Variants in CCNB2 observed in about 807,000 individuals in gnomAD.
The protein encoded by CCNB2 is G2/mitotic-specific cyclin-B2.
CCNB2 carries 39 observed loss-of-function variants against 51.1 expected under a neutral mutation model. That is an observed-to-expected ratio of 0.76 (90% CI 0.59 to 1.00). CCNB2 has a LOEUF of 1.00. CCNB2 is among the 50% of genes least tolerant of loss of function. The pLI, the probability that CCNB2 is intolerant of heterozygous loss-of-function variation, is 0.00. For missense variants in CCNB2, 472 were observed against 470.3 expected (o/e 1.00, Z -0.03); for synonymous variants, 174 against 165.5 (o/e 1.05, Z -0.40).
At position 59,124,969 on chromosome 15, in the gene CCNB2, C is replaced by G; in HGVS notation, c.*92C>G. On this transcript the variant is annotated 3_prime_UTR_variant, in exon 9 of 9. Coordinates refer to ENST00000288207, the MANE Select transcript of CCNB2 (RefSeq NM_004701.4). ...TTTTGTACATAGTCCTCTGGTCTAT[C>G]TCATGAAACCTCTTCTCAGACCAGT... 3.1e-6 allele frequency: 2 copies of G among 654,258 alleles called. No homozygotes were observed. The highest frequency in any genetic ancestry group is 5.0e-6 in the Non-Finnish European group (2 of 402,178). The allele number at this position is 654,258 out of a possible 1,614,324, so 40.5% of individuals were successfully genotyped here.
intron 6 of CCNB2, 32 bp from the exon 7 acceptor site, chr15:59,117,196 G>A: frequency 1.2e-6 from 2 of 1,601,488 alleles, no homozygotes; most frequent in Non-Finnish European, 1.7e-6. Context: ...TTACACTTGT[G>A]ATTCTTACTA....
At chr15:59,107,521 C>A in intron 2 of CCNB2, 36 bp from the exon 3 acceptor site, 1 of 1,613,048 alleles carries the variant, frequency 6.2e-7, no homozygotes. Flanking sequence ...ACAACGCTGG[C>A]TGTCTTGCGC....
At chr15:59,107,045 TTC>T (rs1453207763) in intron 1 of CCNB2, among the ~76,000 whole-genome samples, 1 of 152,228 alleles carries the variant, frequency 6.6e-6, no homozygotes, top group African/African-American at 2.4e-5. Flanking sequence ...AGCTTTGAAG[TTC>T]TCTTACAGGC....
intron 3 of CCNB2, among the ~76,000 whole-genome samples, chr15:59,108,956 A>G (rs1009481227): frequency 1.3e-5 from 2 of 152,250 alleles, no homozygotes; most frequent in African/African-American, 4.8e-5. Flanking sequence ...GCTGGTTTTC[A>G]GACCTTGATC....
intron 7 of CCNB2, among the ~76,000 whole-genome samples, chr15:59,121,855 C>G (rs909801598): frequency 1.2e-4 from 18 of 148,746 alleles, no homozygotes; most frequent in Non-Finnish European, 1.3e-4. Flanking sequence ...TTGCCTAAAC[C>G]CGGAAGGTAG....
chr15:59,124,541 T>C, intron 8 of CCNB2: 3 of 527,404 alleles, frequency 5.7e-6, no homozygotes, highest in South Asian at 4.3e-5. Flanking sequence ...TGAAATCATT[T>C]GTTCCTATCA....
chr15:59,113,472 A>C (rs926973650), intron 3 of CCNB2, among the ~76,000 whole-genome samples: 3 of 152,236 alleles, frequency 2.0e-5, no homozygotes, highest in African/African-American at 7.2e-5. Context: ...TAGAGCTTAC[A>C]TTCTGGCAGA....
chr15:59,119,052 G>C (rs992571727), intron 7 of CCNB2, among the ~76,000 whole-genome samples: 1 of 152,200 alleles, frequency 6.6e-6, no homozygotes, highest in African/African-American at 2.4e-5. Context: ...GGTTCTTTGG[G>C]AATAGGGTGG....
At chr15:59,117,009 TTTATAGGACGCTTCC>T (rs1249198370) in intron 6 of CCNB2, 83 bp downstream of exon 6, 16 of 1,184,790 alleles carry the variant, frequency 1.4e-5, no homozygotes, top group Non-Finnish European at 1.9e-5. Context: ...GGAAAGCTTA[TTTATAGGACGCTTCC>T]TTTAGGTAAG....
At position 59,117,497 on chromosome 15, in the gene CCNB2, C is replaced by T; in HGVS notation, c.975+129C>T. ...TTGTTTTGTGTTTTTGAGACAGGGT[C>T]TCATTCTGTCACGTAGGCTGGAGTG... On this transcript the variant is annotated intron_variant, in intron 7 of 8. Transcript: ENST00000288207. 3.2e-6 allele frequency: 3 copies of T among 949,796 alleles called. No homozygotes were observed. In the South Asian group the frequency reaches 4.8e-5, roughly 15 times the overall value. 58.8% of individuals were successfully genotyped at this position (949,796 alleles called of 1,614,324 possible).
At chr15:59,121,037 T>A (rs923002707) in intron 7 of CCNB2, 3 of 149,306 alleles carry the variant, frequency 2.0e-5, no homozygotes, top group Non-Finnish European at 3.0e-5. Flanking sequence ...CCTCGATGCT[T>A]AAAAAAAAAA....
chr15:59,115,608 T>A (rs911388678), intron 5 of CCNB2: 3 of 152,178 alleles, frequency 2.0e-5, no homozygotes, highest in African/African-American at 7.2e-5. Context: ...AGGCACAAAT[T>A]CTGTCCAAAC....
rs1301930519 is a variant in CCNB2, at chr15:59,107,328, A to C, written c.31A>C (p.Ser11Arg). The part of the protein sequence containing the change: MALLRRPTVS[S>R]DLENIDTGVN... ...TTTTTTTTTTTTTTTTCAGGTGTCC[A>C]GTGATTTGGAGAATATTGACACAGG... is the stretch of plus-strand genomic sequence containing the variant. Residue 11 changes from serine to arginine, a missense_variant, in exon 2 of 9, where the codon AGT (serine) becomes CGT (arginine). Transcript: ENST00000288207. 11 of 1,561,214 alleles carry C rather than the reference A, an allele frequency of 7.0e-6. No individual in the cohort carries two copies. In the African/African-American group the frequency reaches 1.3e-4, roughly 18 times the overall value.
At chr15:59,120,194 T>C (rs763705540) in intron 7 of CCNB2, among the ~76,000 whole-genome samples, 4 of 152,220 alleles carry the variant, frequency 2.6e-5, no homozygotes, top group Non-Finnish European at 5.9e-5. Context: ...GGATACTAAA[T>C]ACCATTATCT....
chr15:59,117,457 T>G, intron 7 of CCNB2, 89 bp downstream of exon 7: 1 of 1,330,850 alleles, frequency 7.5e-7, no homozygotes, highest in Non-Finnish European at 1.0e-6. Flanking sequence ...AACACTATCC[T>G]TGAAGCAGTT....
chr15:59,111,549 T>G (rs2079257171), intron 3 of CCNB2, among the ~76,000 whole-genome samples: 1 of 152,242 alleles, frequency 6.6e-6, no homozygotes, highest in Non-Finnish European at 1.5e-5. Flanking sequence ...GCAAATCTGA[T>G]TCTAGTCACT....
intron 7 of CCNB2, among the ~76,000 whole-genome samples, chr15:59,118,172 C>A (rs2079286827): frequency 6.6e-6 from 1 of 152,208 alleles, no homozygotes; most frequent in Non-Finnish European, 1.5e-5. Context: ...GAATGAGCCA[C>A]TTGTAGATTT....
At chr15:59,108,135 G>T (rs1420798086) in intron 3 of CCNB2, among the ~76,000 whole-genome samples, 1 of 152,188 alleles carries the variant, frequency 6.6e-6, no homozygotes, top group African/African-American at 2.4e-5. Context: ...ATAGCTGACA[G>T]GAAAGGGCAC....
Position 59,124,767 on chromosome 15 carries a change from G to T in CCNB2, c.1087G>T (p.Ala363Ser). The T allele has an allele frequency of 6.2e-7, 1 of 1,610,642 alleles. No homozygotes were observed. ...KVNENLTKFI[A>S]IKNKYASSKL... is the part of the protein sequence containing the mutation. Reference sequence around the variant, plus strand: ...GCTTAATCACAAATGACTTCTGCAGGCCATCAAGAATAAGTATGCAAGCAG... The same window carrying T: ...GCTTAATCACAAATGACTTCTGCAGTCCATCAAGAATAAGTATGCAAGCAG... The change falls in exon 9 of 9, where the codon GCC becomes TCC. Residue 363 changes from alanine (A) to serine (S), a missense_variant and splice_region_variant. Ala to Ser is a moderately conservative substitution (Grantham distance 99). Coordinates refer to ENST00000288207, the MANE Select transcript of CCNB2 (RefSeq NM_004701.4).
Sources: allele counts gnomAD v4.1 joint callset (sites outside exome capture counted in the v4.1 genomes callset), GRCh38; gene constraint gnomAD v4.1.1; transcripts MANE v1.5; gene names NCBI Gene and HGNC (gene_info 2026-07-23, HGNC 2026-07-21).